The following FSTL5 variants were observed in gnomAD, a reference collection of about 807,000 sequenced individuals.
The protein encoded by FSTL5 is follistatin like 5.
In FSTL5, 62 loss-of-function variants were observed where a neutral mutation model predicts 89.1. That is an observed-to-expected ratio of 0.70 (90% confidence interval 0.57 to 0.86). The LOEUF (loss-of-function observed/expected upper bound fraction) is 0.86. Ranked by LOEUF, FSTL5 falls within the 40% of genes least tolerant of loss-of-function variation. The pLI is 0.00. For missense variants in FSTL5, 1,057 were observed against 1,001.6 expected (o/e 1.06, Z -0.75); for synonymous variants, 383 against 346.2 (o/e 1.11, Z -1.18).
intron 3 of FSTL5, among the ~76,000 whole-genome samples, chr4:161,963,831 G>GTAAT (rs897887298): frequency 2.6e-5 from 4 of 151,984 alleles, no homozygotes; most frequent in African/African-American, 9.6e-5. Context: ...TGATACATGT[G>GTAAT]TAATTGTAAA....
chr4:162,038,883 A>T (rs1369067222), intron 2 of FSTL5, among the ~76,000 whole-genome samples: 1 of 151,850 alleles, frequency 6.6e-6, no homozygotes, highest in Non-Finnish European at 1.5e-5. Flanking sequence ...AACAGCATTG[A>T]GGTAGTAAAC....
At position 161,689,988 on chromosome 4, in the gene FSTL5, T is replaced by C. The variant is rs564082248; in HGVS notation, c.728-33494A>G. Among the ~76,000 whole-genome samples, 15 of 152,298 alleles carry C rather than the reference T, an allele frequency of 9.8e-5. No homozygotes were observed. In the South Asian group the frequency reaches 3.1e-3, roughly 32 times the overall value. ...ATATGTATTAGTATTTCATTTGTTT[T>C]CATGGCTGGATAATGTTCCACTCTG... On this transcript the variant is annotated intron_variant, in intron 6 of 15. Transcript: ENST00000306100.
At chr4:161,509,916 T>C (rs1171942657) in intron 11 of FSTL5, among the ~76,000 whole-genome samples, 1 of 152,198 alleles carries the variant, frequency 6.6e-6, no homozygotes, top group African/African-American at 2.4e-5. Context: ...TAACAACTAC[T>C]ATACTCCTTT....
At chr4:161,975,948 T>C (rs1475288069) in intron 3 of FSTL5, among the ~76,000 whole-genome samples, 2 of 141,986 alleles carry the variant, frequency 1.4e-5, no homozygotes, top group South Asian at 4.4e-4. Context: ...ACCCCGTCTC[T>C]ACTAAAAATA....
intron 11 of FSTL5, among the ~76,000 whole-genome samples, chr4:161,502,930 A>T (rs1449482814): frequency 6.6e-6 from 1 of 151,724 alleles, no homozygotes; most frequent in Non-Finnish European, 1.5e-5. Flanking sequence ...AAAGAAAATA[A>T]TATATTTGTA....
intron 3 of FSTL5, among the ~76,000 whole-genome samples, chr4:162,021,357 T>A (rs2111157916): frequency 6.6e-6 from 1 of 152,338 alleles, no homozygotes; most frequent in African/African-American, 2.4e-5. Flanking sequence ...TTCAAGCGTT[T>A]ATTAACAGCA....
At chr4:162,052,783 G>T (rs1024482463) in intron 2 of FSTL5, among the ~76,000 whole-genome samples, 1 of 151,784 alleles carries the variant, frequency 6.6e-6, no homozygotes, top group Non-Finnish European at 1.5e-5. Flanking sequence ...TTTTTGTGGT[G>T]AGTACACTTA....
intron 6 of FSTL5, among the ~76,000 whole-genome samples, chr4:161,686,344 ATATTTTTTTTTTTTTTT>A (rs1737744141): frequency 1.3e-4 from 1 of 7,604 alleles, no homozygotes; most frequent in African/African-American, 3.9e-4. Flanking sequence ...ATATATATAT[ATATTTTTTTTTTTTTTT>A]TTTTTTTTTT....
At chr4:161,412,743 C>A (rs1473592345) in intron 15 of FSTL5, among the ~76,000 whole-genome samples, 2 of 152,050 alleles carry the variant, frequency 1.3e-5, no homozygotes, top group East Asian at 3.9e-4. Context: ...ACACAACAGA[C>A]AATTCAGAAA....
chr4:161,888,178 C>T (rs1445502178), intron 4 of FSTL5, among the ~76,000 whole-genome samples: 1 of 152,142 alleles, frequency 6.6e-6, no homozygotes, highest in African/African-American at 2.4e-5. Context: ...ATTTCCCAGC[C>T]TCCCTTGAAG....
At chr4:162,037,099 TG>T (rs1195783588) in intron 2 of FSTL5, among the ~76,000 whole-genome samples, 1 of 151,852 alleles carries the variant, frequency 6.6e-6, no homozygotes, top group Non-Finnish European at 1.5e-5. Flanking sequence ...ACATAAATGA[TG>T]GAATATACCT....
chr4:162,012,604 C>T (rs916010089), intron 3 of FSTL5, among the ~76,000 whole-genome samples: 1 of 151,838 alleles, frequency 6.6e-6, no homozygotes. Context: ...TTAATTCTAC[C>T]CTGCCAAATG....
At chr4:161,467,198 T>C (rs1395068407) in intron 13 of FSTL5, among the ~76,000 whole-genome samples, 1 of 152,150 alleles carries the variant, frequency 6.6e-6, no homozygotes, top group Non-Finnish European at 1.5e-5. Context: ...ATCCATACTA[T>C]GTATAATGTA....
At chr4:162,051,116 G>A (rs569602527) in intron 2 of FSTL5, among the ~76,000 whole-genome samples, 52 of 151,598 alleles carry the variant, frequency 3.4e-4, no homozygotes, top group African/African-American at 1.1e-3. Flanking sequence ...ATGTGTATGT[G>A]TACTTGGTTC....
intron 15 of FSTL5, among the ~76,000 whole-genome samples, chr4:161,402,324 A>C (rs1578946084): frequency 6.6e-6 from 1 of 152,384 alleles, no homozygotes; most frequent in East Asian, 1.9e-4. Context: ...TATTAATAAT[A>C]TAAATTATTC....
intron 15 of FSTL5, among the ~76,000 whole-genome samples, chr4:161,445,333 A>G (rs1732909007): frequency 1.3e-5 from 2 of 151,846 alleles, no homozygotes; most frequent in Non-Finnish European, 2.9e-5. Context: ...TCTTACTAAA[A>G]TTCGTATTCT....
chr4:161,701,817 C>CA (rs897297020), intron 6 of FSTL5, among the ~76,000 whole-genome samples: 3 of 151,954 alleles, frequency 2.0e-5, no homozygotes, highest in Non-Finnish European at 4.4e-5. Context: ...TATTCAAAAA[C>CA]AAAAGGTCAT....
intron 5 of FSTL5, among the ~76,000 whole-genome samples, chr4:161,766,854 T>G (rs138942559): frequency 6.6e-6 from 1 of 152,114 alleles, no homozygotes; most frequent in African/African-American, 2.4e-5. Flanking sequence ...TATACAGATA[T>G]AAAAGATAGA....
At chr4:161,663,808 C>G (rs1197323071) in intron 6 of FSTL5, among the ~76,000 whole-genome samples, 1 of 152,224 alleles carries the variant, frequency 6.6e-6, no homozygotes, top group Non-Finnish European at 1.5e-5. Flanking sequence ...TCCATGAGGG[C>G]CCTGCCCCTG....
Sources: allele counts gnomAD v4.1 joint callset (sites outside exome capture counted in the v4.1 genomes callset), GRCh38; gene constraint gnomAD v4.1.1; transcripts MANE v1.5; gene names NCBI Gene and HGNC (gene_info 2026-07-23, HGNC 2026-07-21).